The following C5orf58 variants were observed in gnomAD, a reference collection of about 807,000 sequenced individuals.
C5orf58 encodes the protein putative uncharacterized protein C5orf58.
Under a neutral mutation model 2.9 loss-of-function variants are expected in C5orf58, and 2 were observed. The observed-to-expected ratio is 0.69, with a 90% CI of 0.28 to 2.18. The LOEUF (loss-of-function observed/expected upper bound fraction) is 2.18, where lower values mean the gene tolerates loss of function less well. Among genes scored for constraint, C5orf58 ranks in the 30% most tolerant of loss-of-function variants. The pLI, the probability that C5orf58 is intolerant of heterozygous loss-of-function variation, is 0.13. For missense variants in C5orf58, 96 were observed against 91.7 expected (o/e 1.05, Z -0.19); for synonymous variants, 37 against 33.4 (o/e 1.11, Z -0.37).
intron 2 of C5orf58, 43 bp from the exon 3 acceptor site, chr5:170,234,934 A>C (rs1327281161): frequency 5.7e-6 from 5 of 879,938 alleles, no homozygotes; most frequent in African/African-American, 1.7e-5. Flanking sequence ...AGTACACATA[A>C]ATACTGATTT....
intron 3 of C5orf58, among the ~76,000 whole-genome samples, chr5:170,236,366 CAG>C (rs984096110): frequency 2.0e-5 from 3 of 152,168 alleles, no homozygotes; most frequent in African/African-American, 7.2e-5. Context: ...TACAGTAGAA[CAG>C]AGTCAATGTT....
At chr5:170,243,875 G>A (rs1430617715) in intron 3 of C5orf58, among the ~76,000 whole-genome samples, 2 of 147,100 alleles carry the variant, frequency 1.4e-5, no homozygotes, top group Non-Finnish European at 1.5e-5. Flanking sequence ...TCCTAGTCTC[G>A]ATGGTCTTTA....
At chr5:170,237,915 C>T (rs1274641381) in intron 3 of C5orf58, among the ~76,000 whole-genome samples, 2 of 152,238 alleles carry the variant, frequency 1.3e-5, no homozygotes, top group Non-Finnish European at 1.5e-5. Flanking sequence ...CTTCACTGGG[C>T]TACCAAAATA....
rs1210765143 is a variant in C5orf58, at chr5:170,246,002, T to TAA, written c.136_137dup (p.Asn46LysfsTer10). 2 of 1,613,680 alleles carry TAA rather than the reference T, an allele frequency of 1.2e-6. No homozygotes were observed. Among genetic ancestry groups the TAA allele is most frequent in the Non-Finnish European group, 1.7e-6 (2 of 1,179,758 alleles). On this transcript the variant is annotated frameshift_variant, in exon 4 of 4. Coordinates refer to ENST00000593851, the MANE Select transcript of C5orf58 (RefSeq NM_001102609.3). LOFTEE classifies it low-confidence loss of function (END_TRUNC). ...TGCTTTGTGACCTTATCCTACATTT[T>TAA]AATCATCCCATCAAGACTGAGAACT...
At chr5:170,233,921 T>TAACTAAAAAGTTA (rs1561953621) in intron 1 of C5orf58, 194 bp from the exon 2 acceptor site, 4 of 364,384 alleles carry the variant, frequency 1.1e-5, no homozygotes, top group South Asian at 8.6e-5. Context: ...TTACTATTTT[T>TAACTAAAAAGTTA]AAAAAACTTT....
At chr5:170,250,278 A>G (rs1761405793), downstream of C5orf58, among the ~76,000 whole-genome samples, 1 of 152,236 alleles carries the variant, frequency 6.6e-6, no homozygotes, top group Admixed American at 6.5e-5. Flanking sequence ...CGATCTGGCC[A>G]TCCTCACAGA....
chr5:170,252,278 T>C (rs528925755), downstream of C5orf58: 36 of 458,366 alleles, frequency 7.9e-5, no homozygotes, highest in African/African-American at 6.4e-4. Flanking sequence ...TGGGTGCTGG[T>C]AGTTGTGAAG....
intron 3 of C5orf58, among the ~76,000 whole-genome samples, chr5:170,242,818 A>G (rs940727669): frequency 2.0e-5 from 3 of 151,640 alleles, no homozygotes; most frequent in Admixed American, 1.3e-4. Flanking sequence ...GCCTTCTGCT[A>G]GCTTTTGAAC....
At chr5:170,246,894 T>A (rs919153904), downstream of C5orf58, 5 of 152,180 alleles carry the variant, frequency 3.3e-5, no homozygotes, top group South Asian at 4.1e-4. Context: ...AACATTAGCT[T>A]CCCAACATTG....
chr5:170,251,382 CT>C (rs1761438843), intron 2 of C5orf58: 1 of 216,808 alleles, frequency 4.6e-6, no homozygotes, highest in African/African-American at 2.3e-5. Context: ...TCATCAGACC[CT>C]TGAGCAAAAT....
chr5:170,251,018 C>T (rs1761425962), downstream of C5orf58: 2 of 639,032 alleles, frequency 3.1e-6, no homozygotes, highest in Admixed American at 3.0e-5. Context: ...GAGTGCAAAA[C>T]CTGTCATTCA....
At chr5:170,243,209 A>T (rs1188648395) in intron 3 of C5orf58, among the ~76,000 whole-genome samples, 1 of 149,968 alleles carries the variant, frequency 6.7e-6, no homozygotes, top group Non-Finnish European at 1.5e-5. Flanking sequence ...TATATGGTCA[A>T]TTTTGGAATA....
chr5:170,245,589 C>T (rs1442395016), intron 3 of C5orf58, among the ~76,000 whole-genome samples: 1 of 152,246 alleles, frequency 6.6e-6, no homozygotes, highest in Admixed American at 6.5e-5. Flanking sequence ...TCCCTGACCC[C>T]TTGCACTTCC....
intron 1 of C5orf58, chr5:170,233,264 T>C (rs1760589364): frequency 2.6e-5 from 4 of 152,388 alleles, no homozygotes; most frequent in African/African-American, 9.6e-5. Flanking sequence ...CCTAATCCTG[T>C]CCACTTGGCA....
intron 3 of C5orf58, among the ~76,000 whole-genome samples, chr5:170,240,911 C>A (rs113287194): frequency 2.0e-5 from 3 of 151,994 alleles, no homozygotes; most frequent in Non-Finnish European, 4.4e-5. Context: ...GGTTTTAGGT[C>A]TAACGCTTAA....
intron 3 of C5orf58, among the ~76,000 whole-genome samples, 199 bp from the exon 4 acceptor site, chr5:170,245,763 G>A (rs1234156537): frequency 2.0e-5 from 3 of 152,192 alleles, no homozygotes; most frequent in Admixed American, 6.5e-5. Context: ...GCTGTAGACC[G>A]GAGCTGTTCC....
downstream of C5orf58, chr5:170,252,553 T>G (rs1561966024): frequency 4.9e-6 from 5 of 1,015,966 alleles, no homozygotes; most frequent in Non-Finnish European, 7.5e-6. Flanking sequence ...ATTTTACAGT[T>G]ACAGATGTAA....
At chr5:170,249,364 ATATATATATATATATATCTACATATC>A (rs1245351841), downstream of C5orf58, among the ~76,000 whole-genome samples, 1 of 114,230 alleles carries the variant, frequency 8.8e-6, no homozygotes. Context: ...ATGCGTGTGT[ATATATATATATATATATCTACATATC>A]TATATATATA....
downstream of C5orf58, among the ~76,000 whole-genome samples, chr5:170,249,759 C>T (rs996738016): frequency 1.3e-5 from 2 of 152,162 alleles, no homozygotes; most frequent in African/African-American, 4.8e-5. Context: ...AAGCCTAACT[C>T]ATTTTTCTAG....
Sources: allele counts gnomAD v4.1 joint callset (sites outside exome capture counted in the v4.1 genomes callset), GRCh38; gene constraint gnomAD v4.1.1; transcripts MANE v1.5; gene names NCBI Gene and HGNC (gene_info 2026-07-23, HGNC 2026-07-21).